Variants in ITPR1 observed in about 807,000 individuals in gnomAD.
ITPR1 encodes inositol 1,4,5-trisphosphate receptor type 1.
In ITPR1, 96 loss-of-function variants were observed where a neutral mutation model predicts 318.4. The ratio of observed to expected loss-of-function variants is 0.30; its 90% CI spans 0.26 to 0.36. ITPR1 has a LOEUF of 0.36. ITPR1 is among the 10% of genes least tolerant of loss of function. The pLI is 1.00. For synonymous variants in ITPR1, 1,312 were observed against 1,289.9 expected (o/e 1.02, Z -0.37); for missense variants, 2,440 against 3,460.2 (o/e 0.71, Z 7.40).
At position 4,521,027 on chromosome 3, in the gene ITPR1, G is replaced by C. The variant is rs1452123425; in HGVS notation, c.96G>C (p.Leu32=). Residue 32 remains leucine (L), a synonymous_variant, in exon 4 of 62, where the codon CTG becomes CTC. Coordinates refer to ENST00000649015, the MANE Select transcript of ITPR1 (RefSeq NM_001378452.1). ...CATTTATCTGTCTTCTTTACAGCCT[G>C]GTTGATGATCGTTGTGTTGTACAGC... The part of the protein sequence containing the change: ...STNGFISTLG[L]VDDRCVVQPE... 1 of 1,612,044 alleles carries C rather than the reference G, an allele frequency of 6.2e-7. No homozygotes were observed. Among genetic ancestry groups the C allele is most frequent in the African/African-American group, 1.3e-5 (1 of 74,868 alleles).
chr3:4,809,281 G>A (rs369345541), intron 55 of ITPR1, among the ~76,000 whole-genome samples: 16 of 152,170 alleles, frequency 1.1e-4, no homozygotes, highest in East Asian at 1.9e-4. Flanking sequence ...AGACGAGCAC[G>A]TATGGAGGCA....
At chr3:4,765,487 G>A (rs1041847104) in intron 44 of ITPR1, among the ~76,000 whole-genome samples, 2 of 152,186 alleles carry the variant, frequency 1.3e-5, no homozygotes, top group African/African-American at 4.8e-5. Context: ...TGGGGTGTGT[G>A]TATGGGTGAG....
chr3:4,642,762 G>T, intron 7 of ITPR1, among the ~76,000 whole-genome samples: 1 of 152,166 alleles, frequency 6.6e-6, no homozygotes, highest in East Asian at 1.9e-4. Flanking sequence ...ACTCCTGAGG[G>T]TTCCACAGTA....
intron 54 of ITPR1, 91 bp downstream of exon 54, chr3:4,800,691 T>C (rs1180285824): frequency 1.4e-5 from 18 of 1,313,804 alleles, no homozygotes; most frequent in Admixed American, 5.9e-5. Flanking sequence ...GCCTGTGCTT[T>C]CAGTCCAGAA....
chr3:4,725,260 C>T (rs2042426124), intron 40 of ITPR1, among the ~76,000 whole-genome samples: 1 of 152,108 alleles, frequency 6.6e-6, no homozygotes, highest in Admixed American at 6.5e-5. Context: ...TTTAAAGCAT[C>T]ATTCCTCCTT....
Position 4,582,929 on chromosome 3 carries a change from A to G in ITPR1, c.164-44834A>G, listed in dbSNP as rs138531312. 1.5e-3 allele frequency among the ~76,000 whole-genome samples: 234 copies of G among 152,314 alleles called. 1 individual carries two copies. The highest frequency in any genetic ancestry group is 5.3e-3 in the African/African-American group (221 of 41,562). On this transcript the variant is annotated intron_variant, in intron 4 of 61. Coordinates refer to ENST00000649015, the MANE Select transcript of ITPR1 (RefSeq NM_001378452.1). ...TGGTGGCACGTTGTCTGAGACCTGA[A>G]GAAGACAGTGGTGAAATCTAAATCA...
intron 4 of ITPR1, among the ~76,000 whole-genome samples, chr3:4,543,934 A>G (rs1218992603): frequency 6.6e-6 from 1 of 152,176 alleles, no homozygotes; most frequent in Non-Finnish European, 1.5e-5. Flanking sequence ...CATCCCCACC[A>G]TGTTCTTGTC....
chr3:4,574,349 G>A (rs2088385254), intron 4 of ITPR1, among the ~76,000 whole-genome samples: 1 of 152,108 alleles, frequency 6.6e-6, no homozygotes, highest in African/African-American at 2.4e-5. Context: ...TAATGTGAGG[G>A]CAATGCTTCG....
chr3:4,589,476 C>G, intron 4 of ITPR1, among the ~76,000 whole-genome samples: 1 of 152,108 alleles, frequency 6.6e-6, no homozygotes, highest in South Asian at 2.1e-4. Context: ...TCTCCTGGCC[C>G]CCTGAATCAT....
intron 44 of ITPR1, among the ~76,000 whole-genome samples, chr3:4,753,170 G>A (rs533817302): frequency 2.6e-5 from 4 of 152,176 alleles, no homozygotes; most frequent in South Asian, 2.1e-4. Flanking sequence ...AAGCTAACGC[G>A]GTCTACCCCA....
intron 56 of ITPR1, among the ~76,000 whole-genome samples, chr3:4,812,583 C>T (rs2049009201): frequency 6.6e-6 from 1 of 152,102 alleles, no homozygotes; most frequent in African/African-American, 2.4e-5. Flanking sequence ...ATAGTTGGCC[C>T]GACTTAGTGA....
In ITPR1 at chr3:4,665,358, C is replaced by A. The variant is rs377265935; in HGVS notation, c.1713+62C>A. 8.0e-6 allele frequency: 12 copies of A among 1,495,626 alleles called. No individual in the cohort carries two copies. In the African/African-American group the frequency reaches 1.5e-4, roughly 19 times the overall value. 92.6% of individuals were successfully genotyped at this position (1,495,626 alleles called of 1,614,324 possible). On this transcript the variant is annotated intron_variant, in intron 17 of 61. Coordinates refer to ENST00000649015, the MANE Select transcript of ITPR1 (RefSeq NM_001378452.1). The stretch of plus-strand genomic sequence containing the variant: ...TTCCTCCCTGAAGTTTGTGAACTTT[C>A]CTCCTGAGTTTTTAGTGTCACATGT...
At chr3:4,653,441 T>C (rs2093640121) in intron 11 of ITPR1, among the ~76,000 whole-genome samples, 1 of 152,266 alleles carries the variant, frequency 6.6e-6, no homozygotes, top group Admixed American at 6.5e-5. Flanking sequence ...TGTGGTTTCC[T>C]GAAGACTAAT....
chr3:4,755,898 C>CA (rs2044934940), intron 44 of ITPR1, among the ~76,000 whole-genome samples: 1 of 152,210 alleles, frequency 6.6e-6, no homozygotes, highest in African/African-American at 2.4e-5. Flanking sequence ...TGCTTCACTT[C>CA]ATCGCTTCCT....
chr3:4,642,435 A>G (rs2093358622), intron 7 of ITPR1, among the ~76,000 whole-genome samples, 184 bp downstream of exon 7: 1 of 152,208 alleles, frequency 6.6e-6, no homozygotes, highest in Non-Finnish European at 1.5e-5. Flanking sequence ...TGTGACCTAA[A>G]TACTGTCACT....
intron 12 of ITPR1, among the ~76,000 whole-genome samples, chr3:4,655,968 T>C (rs540445763): frequency 6.6e-6 from 1 of 152,150 alleles, no homozygotes; most frequent in Non-Finnish European, 1.5e-5. Flanking sequence ...CCTCGAATTT[T>C]TTTGAGTTGA....
intron 38 of ITPR1, among the ~76,000 whole-genome samples, chr3:4,711,381 G>GTTTT: frequency 6.6e-6 from 1 of 152,222 alleles, no homozygotes; most frequent in Admixed American, 6.5e-5. Context: ...CTCATGAGTT[G>GTTTT]TTTTTGTTTT....
At chr3:4,651,207 G>C (rs1327212587) in intron 10 of ITPR1, among the ~76,000 whole-genome samples, 2 of 152,116 alleles carry the variant, frequency 1.3e-5, no homozygotes, top group Admixed American at 1.3e-4. Flanking sequence ...TTCTTCATTT[G>C]GCTTCATAGG....
chr3:4,681,513 C>T, intron 26 of ITPR1, 95 bp downstream of exon 26: 1 of 876,388 alleles, frequency 1.1e-6, no homozygotes, highest in Non-Finnish European at 1.9e-6. Flanking sequence ...TATTTAGTCT[C>T]TGGGCTTAGG....
Sources: gnomAD v4.1 joint callset for allele counts (sites outside exome capture counted in the v4.1 genomes callset) on GRCh38, gnomAD v4.1.1 for gene constraint, MANE v1.5 for transcripts, NCBI Gene and HGNC (gene_info 2026-07-23, HGNC 2026-07-21) for gene names.